Variants in FRAS1 observed in about 807,000 individuals in gnomAD.
FRAS1 encodes the protein extracellular matrix organizing protein FRAS1.
A neutral mutation model predicts 435.2 loss-of-function variants in FRAS1; 290 were observed. The ratio of observed to expected loss-of-function variants is 0.67; its 90% CI spans 0.61 to 0.73. FRAS1 has a LOEUF of 0.73. Ranked by LOEUF, FRAS1 falls within the 30% of genes least tolerant of loss-of-function variation. The pLI is 0.00. For missense variants in FRAS1, 4,860 were observed against 5,001.5 expected (o/e 0.97, Z 0.85); for synonymous variants, 1,800 against 1,851.0 (o/e 0.97, Z 0.71).
At chr4:78,345,274 T>C (rs898252068) in intron 20 of FRAS1, among the ~76,000 whole-genome samples, 2 of 152,194 alleles carry the variant, frequency 1.3e-5, no homozygotes, top group African/African-American at 4.8e-5. Context: ...GAATTGGAAA[T>C]GCTGGTAATT....
chr4:78,313,425 G>T (rs905781194), intron 15 of FRAS1, among the ~76,000 whole-genome samples: 2 of 152,226 alleles, frequency 1.3e-5, no homozygotes, highest in Non-Finnish European at 1.5e-5. Context: ...GGTTAGCAGG[G>T]TGTAGATGGA....
intron 2 of FRAS1, among the ~76,000 whole-genome samples, chr4:78,083,015 A>G (rs1372333388): frequency 6.6e-6 from 1 of 152,194 alleles, no homozygotes; most frequent in Non-Finnish European, 1.5e-5. Context: ...CCTTTTAAAG[A>G]GTGAGAAGCA....
chr4:78,464,309 G>A, intron 48 of FRAS1, 134 bp from the exon 49 acceptor site: 1 of 1,378,734 alleles, frequency 7.3e-7, no homozygotes, highest in East Asian at 2.3e-5. Context: ...TGCCCAAGAG[G>A]ACTCACTCTG....
intron 41 of FRAS1, among the ~76,000 whole-genome samples, chr4:78,444,366 A>T (rs1289966958): frequency 2.6e-5 from 4 of 152,300 alleles, no homozygotes; most frequent in African/African-American, 4.8e-5. Flanking sequence ...GGTAAAATTT[A>T]AAAAAATTCA....
chr4:78,194,822 C>A (rs1027938276), intron 2 of FRAS1, among the ~76,000 whole-genome samples: 1 of 152,176 alleles, frequency 6.6e-6, no homozygotes, highest in African/African-American at 2.4e-5. Flanking sequence ...TGAGGAGCTG[C>A]GTTCCTTTGG....
chr4:78,114,184 C>G lies in FRAS1; in HGVS notation c.108+48168C>G, dbSNP rs554638708. On this transcript the variant is annotated intron_variant, in intron 2 of 73. Coordinates refer to ENST00000512123, the MANE Select transcript of FRAS1 (RefSeq NM_025074.7). ...GAGGGCTCTGTTCTGTTCCATTGGT[C>G]TATATATCTGTTTGGGTACCAGTAG... is the stretch of plus-strand genomic sequence containing the variant. 3.3e-5 allele frequency among the ~76,000 whole-genome samples: 5 copies of G among 152,218 alleles called. No homozygotes were observed. In the East Asian group the frequency reaches 9.6e-4, roughly 29 times the overall value.
In FRAS1 at chr4:78,360,066, T is replaced by G. The variant is rs981580558; in HGVS notation, c.2423-3447T>G. ...AACTCCAGAGACTTGATTAGGAGGA[T>G]AGAAAAAGTTAAAGGCTGTGAGGAA... On this transcript the variant is annotated intron_variant, in intron 20 of 73. Coordinates refer to ENST00000512123, the MANE Select transcript of FRAS1 (RefSeq NM_025074.7). Among the ~76,000 whole-genome samples the G allele has an allele frequency of 2.6e-5, 4 of 152,114 alleles. No homozygotes were observed. In the South Asian group the frequency reaches 6.2e-4, roughly 24 times the overall value.
intron 18 of FRAS1, among the ~76,000 whole-genome samples, chr4:78,322,307 T>C (rs969776380): frequency 3.9e-5 from 6 of 152,232 alleles, no homozygotes; most frequent in Non-Finnish European, 7.3e-5. Flanking sequence ...TGGGCTCTTC[T>C]TCCCACATCT....
chr4:78,534,720 C>T, intron 71 of FRAS1, 105 bp downstream of exon 71: 1 of 1,041,674 alleles, frequency 9.6e-7, no homozygotes, highest in Non-Finnish European at 1.4e-6. Context: ...CAGTCACCAC[C>T]CCAGTAAAGA....
intron 1 of FRAS1, among the ~76,000 whole-genome samples, chr4:78,064,897 A>G (rs1188545749): frequency 6.6e-6 from 1 of 151,750 alleles, no homozygotes; most frequent in Non-Finnish European, 1.5e-5. Context: ...CTTGGTGTGT[A>G]TATACTGTTC....
At chr4:78,079,700 TCCA>T in intron 2 of FRAS1, among the ~76,000 whole-genome samples, 1 of 152,206 alleles carries the variant, frequency 6.6e-6, no homozygotes, top group Admixed American at 6.5e-5. Flanking sequence ...TGGCTAATAT[TCCA>T]AGAGAAAAGT....
chr4:78,068,831 A>G (rs1405011150), intron 2 of FRAS1: 5 of 346,946 alleles, frequency 1.4e-5, no homozygotes, highest in South Asian at 2.3e-5. Context: ...TTTAAGGACA[A>G]TGAAACTGGA....
chr4:78,512,636 A>G (rs11939230), intron 64 of FRAS1, among the ~76,000 whole-genome samples: 21,971 of 152,266 alleles, frequency 0.14, 1,906 homozygotes, highest in Non-Finnish European at 0.21. Flanking sequence ...TGAAGGAAAT[A>G]TTCCTTGTCC....
At chr4:78,457,758 C>T (rs1335810385) in intron 47 of FRAS1, among the ~76,000 whole-genome samples, 2 of 152,180 alleles carry the variant, frequency 1.3e-5, no homozygotes, top group East Asian at 1.9e-4. Context: ...ATCAAGGTGT[C>T]GCTCACAAAT....
intron 35 of FRAS1, 58 bp downstream of exon 35, chr4:78,424,478 T>G: frequency 1.2e-6 from 1 of 802,172 alleles, no homozygotes; most frequent in Non-Finnish European, 1.9e-6. Flanking sequence ...TTATTAGTTC[T>G]TTCTTTTTGT....
intron 2 of FRAS1, among the ~76,000 whole-genome samples, chr4:78,223,060 C>A (rs1724123144): frequency 6.6e-6 from 1 of 152,128 alleles, no homozygotes; most frequent in Non-Finnish European, 1.5e-5. Context: ...AGGCTGGAAG[C>A]AAATCGAGTG....
rs577402959 is a variant in FRAS1, at chr4:78,132,776, G to C, written c.108+66760G>C. ...CATGACCCTGAAAAGTTTGTAGAGG[G>C]TTACTGAAGATGGGAAGGGCCACTC... On this transcript the variant is annotated intron_variant, in intron 2 of 73. Transcript: ENST00000512123. 5.3e-5 allele frequency among the ~76,000 whole-genome samples: 8 copies of C among 152,302 alleles called. No individual in the cohort carries two copies. The South Asian group carries it at 1.7e-3, about 32-fold the overall frequency.
intron 45 of FRAS1, 50 bp downstream of exon 45, chr4:78,450,389 C>T (rs1211269487): frequency 6.9e-7 from 1 of 1,441,490 alleles, no homozygotes; most frequent in Non-Finnish European, 9.8e-7. Context: ...TGCACCTACA[C>T]TAGTAAAATG....
At chr4:78,099,147 G>C (rs145850420) in intron 2 of FRAS1, among the ~76,000 whole-genome samples, 1 of 151,854 alleles carries the variant, frequency 6.6e-6, no homozygotes, top group South Asian at 2.1e-4. Context: ...AGAGAGGAGA[G>C]GGGGGGCCAT....
Sources: allele counts gnomAD v4.1 joint callset (sites outside exome capture counted in the v4.1 genomes callset), GRCh38; gene constraint gnomAD v4.1.1; transcripts MANE v1.5; gene names NCBI Gene and HGNC (gene_info 2026-07-23, HGNC 2026-07-21).